BTBD9: variants seen among roughly 807,000 people sequenced by gnomAD.
The protein encoded by BTBD9 is BTB domain containing 9.
BTBD9 carries 49 observed loss-of-function variants against 64.3 expected under a neutral mutation model. The observed-to-expected ratio is 0.76, with a 90% CI of 0.61 to 0.97. BTBD9 has a LOEUF of 0.97. Among genes scored for constraint, BTBD9 ranks in the 50% least tolerant of loss-of-function variants. BTBD9 has a pLI of 0.00. For missense variants in BTBD9, 598 were observed against 762.1 expected, an observed-to-expected ratio of 0.78 and a Z score of 2.53; for synonymous variants, 260 against 274.7, an observed-to-expected ratio of 0.95 and a Z score of 0.53.
At chr6:38,396,004 T>G (rs1444873139) in intron 6 of BTBD9, among the ~76,000 whole-genome samples, 3 of 152,208 alleles carry the variant, frequency 2.0e-5, no homozygotes, top group Non-Finnish European at 4.4e-5. Context: ...CCACCGCACC[T>G]GGCCTTGTTT....
rs1332370352 is a variant in BTBD9, at chr6:38,504,840, C to G, written c.1154+72760G>C. Among the ~76,000 whole-genome samples the G allele has an allele frequency of 1.3e-5, 2 of 152,158 alleles. 1 individual carries two copies. On this transcript the variant is annotated intron_variant, in intron 6 of 10. Coordinates refer to ENST00000481247, the MANE Select transcript of BTBD9 (RefSeq NM_001099272.2). Reference sequence around the variant, plus strand: ...TGTGGTAGAAGCATCTATGAACCATCATACAGCCTTCAAAAGAATGAATTA... The same window carrying G: ...TGTGGTAGAAGCATCTATGAACCATGATACAGCCTTCAAAAGAATGAATTA...
At chr6:38,516,541 T>C (rs1025014342) in intron 6 of BTBD9, among the ~76,000 whole-genome samples, 12 of 152,260 alleles carry the variant, frequency 7.9e-5, no homozygotes, top group East Asian at 1.9e-4. Flanking sequence ...CTGCCCAGTG[T>C]AGGCAATTCA....
chr6:38,574,519 G>A (rs1254652255), intron 6 of BTBD9, among the ~76,000 whole-genome samples: 1 of 152,138 alleles, frequency 6.6e-6, no homozygotes, highest in Admixed American at 6.6e-5. Context: ...AACGAGGATG[G>A]CAGGGATGAC....
intron 2 of BTBD9, among the ~76,000 whole-genome samples, chr6:38,595,164 A>C (rs148457430): frequency 6.6e-6 from 1 of 152,360 alleles, no homozygotes; most frequent in Admixed American, 6.5e-5. Flanking sequence ...CCAAATATTT[A>C]CATGTTTATG....
Position 38,303,598 on chromosome 6 carries a change from C to T in BTBD9, c.1265-15137G>A, listed in dbSNP as rs181717558. The stretch of plus-strand genomic sequence containing the variant: ...GTGTTAGTTTGTCAGTTTCCACCTA[C>T]GCTATGCCTTACTGCTTCACAATTT... On this transcript the variant is annotated intron_variant, in intron 7 of 10. Transcript: ENST00000481247. 8.5e-4 allele frequency among the ~76,000 whole-genome samples: 129 copies of T among 151,894 alleles called. 2 individuals are homozygous for T. In the East Asian group the frequency reaches 0.01, roughly 12 times the overall value.
chr6:38,383,294 T>A (rs551100784), intron 6 of BTBD9, among the ~76,000 whole-genome samples: 19 of 152,320 alleles, frequency 1.2e-4, no homozygotes, highest in African/African-American at 4.6e-4. Context: ...GTAAAAACAT[T>A]TGATAAATCC....
intron 7 of BTBD9, among the ~76,000 whole-genome samples, chr6:38,324,579 T>C (rs946905747): frequency 2.0e-5 from 3 of 152,112 alleles, no homozygotes; most frequent in African/African-American, 7.2e-5. Flanking sequence ...TGATGGTAGC[T>C]TGTACTAGGG....
intron 6 of BTBD9, among the ~76,000 whole-genome samples, chr6:38,466,283 CTTTTTTT>C (rs67769669): frequency 4.5e-5 from 2 of 44,068 alleles, no homozygotes; most frequent in Non-Finnish European, 7.9e-5. Context: ...CTTCCTTTTC[CTTTTTTT>C]TTTTTTTTTT....
chr6:38,429,309 G>A (rs1338226651), intron 6 of BTBD9, among the ~76,000 whole-genome samples: 2 of 151,256 alleles, frequency 1.3e-5, no homozygotes, highest in East Asian at 2.0e-4. Context: ...ACAAAAATTA[G>A]CTAGGCGTGG....
At chr6:38,229,898 C>T (rs1355702597) in intron 9 of BTBD9, among the ~76,000 whole-genome samples, 3 of 152,130 alleles carry the variant, frequency 2.0e-5, no homozygotes, top group Non-Finnish European at 4.4e-5. Context: ...ATCCAGAAAC[C>T]CGAGAAGCAT....
At chr6:38,551,266 G>A (rs777299556) in intron 6 of BTBD9, among the ~76,000 whole-genome samples, 4 of 152,194 alleles carry the variant, frequency 2.6e-5, no homozygotes, top group Non-Finnish European at 5.9e-5. Flanking sequence ...TCTTCAGAGT[G>A]AAGACAATGC....
At chr6:38,432,384 T>G (rs569265532) in intron 6 of BTBD9, among the ~76,000 whole-genome samples, 4 of 151,916 alleles carry the variant, frequency 2.6e-5, no homozygotes, top group Non-Finnish European at 4.4e-5. Context: ...AATTTGGAAT[T>G]AAGTATGATA....
At chr6:38,275,055 A>G (rs1765333411) in intron 8 of BTBD9, among the ~76,000 whole-genome samples, 1 of 152,256 alleles carries the variant, frequency 6.6e-6, no homozygotes, top group South Asian at 2.1e-4. Flanking sequence ...TCCTAAGCCA[A>G]AAGAACAAAG....
At chr6:38,354,684 T>C (rs895812875) in intron 6 of BTBD9, among the ~76,000 whole-genome samples, 1 of 152,138 alleles carries the variant, frequency 6.6e-6, no homozygotes, top group Admixed American at 6.5e-5. Flanking sequence ...GACCCTCCTT[T>C]TCCCCTTGTG....
chr6:38,460,684 C>T (rs760589708), intron 6 of BTBD9, among the ~76,000 whole-genome samples: 2 of 152,082 alleles, frequency 1.3e-5, no homozygotes, highest in Non-Finnish European at 2.9e-5. Context: ...AGTGCAGTGG[C>T]GTGATCCCGG....
At chr6:38,220,969 G>C (rs1763178786) in intron 9 of BTBD9, among the ~76,000 whole-genome samples, 1 of 152,162 alleles carries the variant, frequency 6.6e-6, no homozygotes, top group East Asian at 1.9e-4. Context: ...AAATAAACAG[G>C]CCACTGATTA....
rs538053425 is a variant in BTBD9, at chr6:38,513,632, G to A, written c.1154+63968C>T. Among the ~76,000 whole-genome samples the A allele has an allele frequency of 7.4e-4, 112 of 152,142 alleles. No individual in the cohort carries two copies. In the Middle Eastern group the frequency reaches 0.01, roughly 14 times the overall value. On this transcript the variant is annotated intron_variant, in intron 6 of 10. Coordinates refer to ENST00000481247, the MANE Select transcript of BTBD9 (RefSeq NM_001099272.2). Reference sequence around the variant, plus strand: ...CTGCTTTGGAGAAAAAGATTAATATGAAGACACACACACACACATACACAC... The same window carrying A: ...CTGCTTTGGAGAAAAAGATTAATATAAAGACACACACACACACATACACAC...
intron 1 of BTBD9, among the ~76,000 whole-genome samples, chr6:38,611,760 AG>A (rs374782380): frequency 1.8e-3 from 274 of 152,320 alleles, no homozygotes; most frequent in African/African-American, 6.2e-3. Context: ...TTCATTAGGA[AG>A]TTCTCCATTC....
chr6:38,332,207 T>C (rs1763702755), intron 7 of BTBD9, among the ~76,000 whole-genome samples: 1 of 152,254 alleles, frequency 6.6e-6, no homozygotes, highest in Admixed American at 6.5e-5. Context: ...TTATGGTTTC[T>C]GCCTTTGCTT....
Sources: gnomAD v4.1 joint callset for allele counts (sites outside exome capture counted in the v4.1 genomes callset) on GRCh38, gnomAD v4.1.1 for gene constraint, MANE v1.5 for transcripts, NCBI Gene and HGNC (gene_info 2026-07-23, HGNC 2026-07-21) for gene names.